Variants in SPMAP2 observed in about 807,000 individuals in gnomAD.
The protein encoded by SPMAP2 is sperm microtubule associated protein 2.
At chr19:362,273 G>C in the SPMAP2 span, 20 of 1,597,454 alleles carry the variant, frequency 1.3e-5, no homozygotes, top group Middle Eastern at 1.7e-4. Context: ...AGAGGCGAGG[G>C]GACGCCTGTC....
At chr19:364,347 A>AT in the SPMAP2 span, among the ~76,000 whole-genome samples, 3 of 151,202 alleles carry the variant, frequency 2.0e-5, no homozygotes, top group African/African-American at 7.3e-5. Flanking sequence ...AAAAAAAAAA[A>AT]AAAAAAAAAG....
At chr19:366,046 C>T in the SPMAP2 span, among the ~76,000 whole-genome samples, 1 of 151,864 alleles carries the variant, frequency 6.6e-6, no homozygotes, top group Non-Finnish European at 1.5e-5. Context: ...GAAGCCGAGG[C>T]AGGAGAATGT....
At chr19:371,392 G>GTC in the SPMAP2 span, 6 of 636,120 alleles carry the variant, frequency 9.4e-6, no homozygotes, top group African/African-American at 7.6e-5. Context: ...GTGTGTGTGT[G>GTC]TGTGTGTGTG....
the SPMAP2 span, chr19:374,540 C>T: frequency 7.1e-6 from 10 of 1,404,708 alleles, no homozygotes; most frequent in Non-Finnish European, 8.6e-6. Flanking sequence ...TGCCCACCCG[C>T]CTCTCCTTTC....
At chr19:368,878 G>A in the SPMAP2 span, among the ~76,000 whole-genome samples, 1 of 152,178 alleles carries the variant, frequency 6.6e-6, no homozygotes, top group Non-Finnish European at 1.5e-5. The surrounding 1 kb of genome is among the most constrained non-coding windows in gnomAD (Gnocchi z 4.1). Flanking sequence ...TGCTGAGGTA[G>A]AGAGACTCCA....
At chr19:375,563 C>G in the SPMAP2 span, 2 of 1,274,740 alleles carry the variant, frequency 1.6e-6, no homozygotes, top group Non-Finnish European at 2.1e-6. Flanking sequence ...TGGCCGGTTA[C>G]GACCCTTTCG....
the SPMAP2 span, chr19:367,226 T>C: frequency 1.3e-6 from 2 of 1,591,648 alleles, no homozygotes. Flanking sequence ...CTGGGACACC[T>C]GGAAAGAGAA....
the SPMAP2 span, among the ~76,000 whole-genome samples, chr19:368,974 C>G: frequency 1.3e-5 from 2 of 152,156 alleles, no homozygotes; most frequent in Non-Finnish European, 2.9e-5. This position sits in a 1 kb window ranked among gnomAD's most constrained non-coding sequence, Gnocchi z 4.1. Flanking sequence ...GTTGCTCAGA[C>G]AAGTGGGAAA....
At chr19:362,531 G>A in the SPMAP2 span, 1 of 877,618 alleles carries the variant, frequency 1.1e-6, no homozygotes, top group Non-Finnish European at 1.7e-6. Context: ...ACTGTGGAAG[G>A]CTGAGGCAGG....
At chr19:362,224 A>G in the SPMAP2 span, 1 of 1,557,954 alleles carries the variant, frequency 6.4e-7, no homozygotes, top group South Asian at 1.2e-5. Flanking sequence ...TGGGTTGATC[A>G]CACTTTTCTG....
At chr19:371,783 C>A in the SPMAP2 span, among the ~76,000 whole-genome samples, 1 of 152,222 alleles carries the variant, frequency 6.6e-6, no homozygotes. Context: ...GCTCCCGGGG[C>A]TGTGCCTTCT....
chr19:375,702 ACT>A, the SPMAP2 span: 2 of 1,599,160 alleles, frequency 1.3e-6, no homozygotes, highest in Non-Finnish European at 1.7e-6. Flanking sequence ...CTTGTCCAGG[ACT>A]CTCTCCAACT....
At chr19:374,609 T>C in the SPMAP2 span, 3 of 694,120 alleles carry the variant, frequency 4.3e-6, no homozygotes, top group Non-Finnish European at 7.0e-6. Context: ...CAACCGCAGC[T>C]CCACTGCTCG....
chr19:362,334 T>C, the SPMAP2 span: 1 of 1,610,748 alleles, frequency 6.2e-7, no homozygotes, highest in Non-Finnish European at 8.5e-7. Context: ...AGGGAGATGA[T>C]CCGGGGGCTG....
chr19:364,336 C>CAAAAAAAAAAAAAAA, the SPMAP2 span, among the ~76,000 whole-genome samples: 6 of 74,128 alleles, frequency 8.1e-5, no homozygotes, highest in Admixed American at 1.6e-4. Flanking sequence ...AGCTCTGTCT[C>CAAAAAAAAAAAAAAA]AAAAAAAAAA....
chr19:362,830 C>T, the SPMAP2 span, among the ~76,000 whole-genome samples: 19,459 of 140,136 alleles, frequency 0.14, 1,922 homozygotes, highest in African/African-American at 0.29. Flanking sequence ...AGCAGAGAAA[C>T]GGAGGATGAA....
chr19:364,354 AAAG>A, the SPMAP2 span, among the ~76,000 whole-genome samples: 5 of 148,092 alleles, frequency 3.4e-5, no homozygotes, highest in South Asian at 2.2e-4. Context: ...AAAAAAAAAA[AAAG>A]AAAGAAAAAA....
the SPMAP2 span, among the ~76,000 whole-genome samples, chr19:370,824 C>T: frequency 2.0e-5 from 3 of 151,142 alleles, no homozygotes; most frequent in African/African-American, 4.8e-5. Context: ...GGGTCAAGCC[C>T]GCAGGCTGCG....
At chr19:366,935 C>G in the SPMAP2 span, 2 of 1,075,368 alleles carry the variant, frequency 1.9e-6, no homozygotes, top group Non-Finnish European at 2.7e-6. Flanking sequence ...CCGGACCACA[C>G]GTCCCTGTGA....
Sources: gnomAD v4.1 joint callset for allele counts (sites outside exome capture counted in the v4.1 genomes callset) on GRCh38, gnomAD v4.1.1 for gene constraint, Gnocchi (gnomAD v3.1) non-coding constraint, MANE v1.5 for transcripts, NCBI Gene and HGNC (gene_info 2026-07-23, HGNC 2026-07-21) for gene names.